GPM6A: variants seen among roughly 807,000 people sequenced by gnomAD.
GPM6A encodes glycoprotein M6A.
A neutral mutation model predicts 32.1 loss-of-function variants in GPM6A; 7 were observed. The ratio of observed to expected loss-of-function variants is 0.22; its 90% CI spans 0.12 to 0.41. GPM6A has a LOEUF of 0.41. GPM6A is among the 10% of genes least tolerant of loss of function. The pLI is 1.00. For missense variants in GPM6A, 235 were observed against 347.2 expected (o/e 0.68, Z 2.57); for synonymous variants, 130 against 123.4 (o/e 1.05, Z -0.35).
intron 1 of GPM6A, among the ~76,000 whole-genome samples, chr4:175,938,841 A>G (rs2333321): frequency 0.78 from 118,365 of 151,968 alleles, 46,401 homozygotes; most frequent in East Asian, 0.89. Flanking sequence ...ACAAACACAT[A>G]TACCTCATAA....
At chr4:175,851,997 A>T (rs1322161921) in intron 1 of GPM6A, among the ~76,000 whole-genome samples, 2 of 152,176 alleles carry the variant, frequency 1.3e-5, no homozygotes, top group African/African-American at 4.8e-5. Context: ...ACTGGATATT[A>T]AAAGATCAGT....
chr4:175,644,734 C>A (rs1415362677), intron 4 of GPM6A, among the ~76,000 whole-genome samples: 2 of 151,854 alleles, frequency 1.3e-5, no homozygotes, highest in African/African-American at 4.8e-5. Flanking sequence ...ATATTTATTA[C>A]CTATGGAAAA....
intron 1 of GPM6A, among the ~76,000 whole-genome samples, chr4:175,869,830 A>T (rs537342726): frequency 6.6e-5 from 10 of 152,322 alleles, no homozygotes; most frequent in African/African-American, 2.4e-4. Flanking sequence ...TATTTTTCTA[A>T]ACAATTCACA....
At chr4:175,817,139 T>A (rs534135638), upstream of GPM6A, among the ~76,000 whole-genome samples, 138 of 152,298 alleles carry the variant, frequency 9.1e-4, no homozygotes, top group Admixed American at 2.0e-3. Flanking sequence ...ATTACGGGCG[T>A]GAGCCACCGC....
At chr4:175,655,066 G>T (rs1742008116) in intron 3 of GPM6A, among the ~76,000 whole-genome samples, 2 of 152,040 alleles carry the variant, frequency 1.3e-5, no homozygotes, top group Admixed American at 1.3e-4. Context: ...ACTTTACAAG[G>T]CAATGAAAGG....
At chr4:175,641,133 T>G in intron 4 of GPM6A, 1 of 355,676 alleles carries the variant, frequency 2.8e-6, no homozygotes, top group Non-Finnish European at 5.2e-6. Flanking sequence ...ATTAATGTGA[T>G]AGTATAGGCA....
chr4:175,860,934 C>T (rs1416706962), intron 1 of GPM6A, among the ~76,000 whole-genome samples: 1 of 152,052 alleles, frequency 6.6e-6, no homozygotes, highest in African/African-American at 2.4e-5. Flanking sequence ...TATCTCATTT[C>T]CTAGAAATTT....
chr4:175,699,044 A>G (rs1176697272), intron 2 of GPM6A, among the ~76,000 whole-genome samples: 2 of 152,182 alleles, frequency 1.3e-5, no homozygotes, highest in African/African-American at 4.8e-5. Flanking sequence ...GTAATTCTAT[A>G]AGTAAATTTA....
intron 2 of GPM6A, among the ~76,000 whole-genome samples, chr4:175,690,134 G>T (rs958573797): frequency 2.1e-4 from 32 of 152,116 alleles, no homozygotes; most frequent in Non-Finnish European, 5.9e-5. Flanking sequence ...GATGTTTTAT[G>T]GGGGACAAGG....
intron 1 of GPM6A, among the ~76,000 whole-genome samples, chr4:175,854,290 T>C (rs750687945): frequency 2.0e-5 from 3 of 152,148 alleles, no homozygotes; most frequent in Non-Finnish European, 4.4e-5. Context: ...AGAAATTACA[T>C]GAAGGCTCGA....
chr4:175,900,651 G>A (rs145962394), intron 1 of GPM6A, among the ~76,000 whole-genome samples: 9 of 152,270 alleles, frequency 5.9e-5, no homozygotes, highest in African/African-American at 1.7e-4. Flanking sequence ...GGAGAAAAGG[G>A]AGCCCTTGTA....
At position 175,680,781 on chromosome 4, in the gene GPM6A, G is replaced by A. The variant is rs377674579; in HGVS notation, c.231-6945C>T. On this transcript the variant is annotated intron_variant, in intron 2 of 6. Coordinates refer to ENST00000393658, the MANE Select transcript of GPM6A (RefSeq NM_201591.3). The stretch of plus-strand genomic sequence containing the variant: ...TGTGTTTTTATGTAAAGGCAAGTGT[G>A]TGCATGTTTGTGTATATGTCTATTT... Among the ~76,000 whole-genome samples, 7 of 152,174 alleles carry A rather than the reference G, an allele frequency of 4.6e-5. No homozygotes were observed. The East Asian group carries it at 7.7e-4, about 17-fold the overall frequency.
At chr4:175,768,052 G>A (rs563751694) in intron 1 of GPM6A, among the ~76,000 whole-genome samples, 1 of 152,128 alleles carries the variant, frequency 6.6e-6, no homozygotes, top group Non-Finnish European at 1.5e-5. Context: ...AAACTGAGGA[G>A]AAAACACAAC....
intron 1 of GPM6A, among the ~76,000 whole-genome samples, chr4:175,965,650 G>C (rs1740311489): frequency 1.4e-5 from 2 of 147,870 alleles, no homozygotes; most frequent in Non-Finnish European, 3.0e-5. Flanking sequence ...GTTTCACCCT[G>C]TCTCCCAGGC....
chr4:175,683,595 G>A (rs932493047), intron 2 of GPM6A, among the ~76,000 whole-genome samples: 3 of 152,040 alleles, frequency 2.0e-5, no homozygotes, highest in Non-Finnish European at 2.9e-5. Context: ...AGGCATTTGG[G>A]TCTTGGGGGT....
At chr4:175,711,425 T>TATATATATATATATATATATATATAC (rs1745526273) in intron 1 of GPM6A, among the ~76,000 whole-genome samples, 4 of 45,332 alleles carry the variant, frequency 8.8e-5, no homozygotes, top group Non-Finnish European at 2.0e-4. Context: ...TATATATATA[T>TATATATATATATATATATATATATAC]ATATATATAT....
At chr4:175,854,729 T>C (rs1197821845) in intron 1 of GPM6A, among the ~76,000 whole-genome samples, 1 of 152,022 alleles carries the variant, frequency 6.6e-6, no homozygotes, top group Admixed American at 6.6e-5. Context: ...ACAGCAGCAG[T>C]TAAAAGAACA....
At chr4:175,975,906 C>T (rs1740642527) in intron 1 of GPM6A, among the ~76,000 whole-genome samples, 1 of 152,042 alleles carries the variant, frequency 6.6e-6, no homozygotes, top group Non-Finnish European at 1.5e-5. Context: ...TTTTCATCTG[C>T]TTATACCGTT....
At chr4:175,817,444 A>G (rs1310473191) in intron 1 of GPM6A, among the ~76,000 whole-genome samples, 5 of 152,234 alleles carry the variant, frequency 3.3e-5, no homozygotes, top group Admixed American at 3.3e-4. Flanking sequence ...GGACAGACCA[A>G]ATATCACAAC....
Sources: allele counts gnomAD v4.1 joint callset (sites outside exome capture counted in the v4.1 genomes callset), GRCh38; gene constraint gnomAD v4.1.1; transcripts MANE v1.5; gene names NCBI Gene and HGNC (gene_info 2026-07-23, HGNC 2026-07-21).